Variants in BDP1 observed in about 807,000 individuals in gnomAD.
BDP1 encodes the protein transcription factor TFIIIB component B'' homolog.
Under a neutral mutation model 266.6 loss-of-function variants are expected in BDP1, and 169 were observed. The observed-to-expected ratio is 0.63, with a 90% CI of 0.56 to 0.72. BDP1 has a LOEUF of 0.72. BDP1 is among the 30% of genes least tolerant of loss of function. The pLI is 0.00. For missense variants in BDP1, 3,015 were observed against 3,053.8 expected (o/e 0.99, Z 0.30); for synonymous variants, 1,090 against 1,022.4 (o/e 1.07, Z -1.26).
Position 71,455,833 on chromosome 5 carries a change from T to TGTGAGCGGCC in BDP1, c.-39_-30dup. The TGTGAGCGGCC allele has an allele frequency of 6.6e-7, 1 of 1,513,298 alleles. No individual in the cohort carries two copies. Among genetic ancestry groups the TGTGAGCGGCC allele is most frequent in the Non-Finnish European group, 8.9e-7 (1 of 1,121,700 alleles). The allele number at this position is 1,513,298 out of a possible 1,614,324, so 93.7% of individuals were successfully genotyped here. A position where few individuals can be genotyped will look rare whatever the true frequency, so the allele number is the denominator to read the frequency against. On this transcript the variant is annotated 5_prime_UTR_variant, in exon 1 of 39. Transcript: ENST00000358731. Reference sequence around the variant, plus strand: ...CCGGGCAGCCGCCGGGGCTCGGGGCTGTGAGCGGCCGTGAGGCTGCCTCCC... The same window carrying TGTGAGCGGCC: ...CCGGGCAGCCGCCGGGGCTCGGGGCTGTGAGCGGCCGTGAGCGGCCGTGAGGCTGCCTCCC...
intron 37 of BDP1, 129 bp downstream of exon 37, chr5:71,560,366 G>A (rs1435686969): frequency 1.7e-5 from 18 of 1,063,682 alleles, no homozygotes; most frequent in Middle Eastern, 2.5e-4. Flanking sequence ...TAATGTAAAG[G>A]AAAAAGTTTC....
At chr5:71,576,300 C>T in the BDP1 span, among the ~76,000 whole-genome samples, 3 of 152,230 alleles carry the variant, frequency 2.0e-5, no homozygotes, top group Admixed American at 6.5e-5. Flanking sequence ...GGACCCCTAA[C>T]TCCACCTGAC....
intron 4 of BDP1, 52 bp from the exon 5 acceptor site, chr5:71,466,044 T>C: frequency 1.3e-6 from 2 of 1,588,052 alleles, no homozygotes; most frequent in Non-Finnish European, 8.6e-7. Context: ...TTTATACTAT[T>C]TAGGCACACT....
chr5:71,532,528 T>TAA, intron 26 of BDP1, 101 bp downstream of exon 26: 1 of 1,139,386 alleles, frequency 8.8e-7, no homozygotes, highest in Non-Finnish European at 1.2e-6. Flanking sequence ...ACACTTTACT[T>TAA]AGCTAATTTC....
chr5:71,470,029 C>T (rs944286090), intron 6 of BDP1, among the ~76,000 whole-genome samples: 12 of 151,600 alleles, frequency 7.9e-5, no homozygotes, highest in African/African-American at 1.9e-4. Context: ...TTAGTAGAGA[C>T]GGGGTTTCTC....
Position 71,540,299 on chromosome 5 carries a change from G to A in BDP1, c.6022+650G>A, listed in dbSNP as rs372548677. On this transcript the variant is annotated intron_variant, in intron 28 of 38. Transcript: ENST00000358731. ...ATTTACTTATTTATTTATTTGAGACGGAGTTTGGTTATGAGTAGCCTACCA... is the reference window on the plus strand; with the variant it reads ...ATTTACTTATTTATTTATTTGAGACAGAGTTTGGTTATGAGTAGCCTACCA... Among the ~76,000 whole-genome samples the A allele has an allele frequency of 1.8e-4, 28 of 151,878 alleles. 1 individual carries two copies. Among genetic ancestry groups the A allele is most frequent in the African/African-American group, 4.1e-4 (17 of 41,396 alleles).
intron 34 of BDP1, among the ~76,000 whole-genome samples, chr5:71,550,136 A>G (rs1008401338): frequency 2.0e-5 from 3 of 152,170 alleles, no homozygotes; most frequent in Non-Finnish European, 4.4e-5. Flanking sequence ...CTTTAATCCC[A>G]GGGCTTTGGG....
intron 7 of BDP1, among the ~76,000 whole-genome samples, chr5:71,479,571 G>A (rs1292624407): frequency 1.3e-5 from 2 of 151,008 alleles, no homozygotes; most frequent in African/African-American, 4.9e-5. Flanking sequence ...TTTTGAGGCG[G>A]AGTCTCGCTC....
At position 71,455,694 on chromosome 5, in the gene BDP1, AGCG is replaced by A; in HGVS notation, c.-173_-171del. 1.3e-5 allele frequency: 8 copies of A among 608,608 alleles called. No individual in the cohort carries two copies. Among genetic ancestry groups the A allele is most frequent in the East Asian group, 2.8e-5 (1 of 36,034 alleles). The allele number at this position is 608,608 out of a possible 1,614,324, so 37.7% of individuals were successfully genotyped here. The stretch of plus-strand genomic sequence containing the variant: ...TCGGTGTGTGGCAGGGTCATGAAAA[AGCG>A]GCGGCGGCGGGAGAGAGGAGGAGGC... On this transcript the variant is annotated 5_prime_UTR_variant, in exon 1 of 39. Coordinates refer to ENST00000358731, the MANE Select transcript of BDP1 (RefSeq NM_018429.3).
intron 32 of BDP1, among the ~76,000 whole-genome samples, chr5:71,546,979 G>A (rs1355305892): frequency 3.9e-5 from 6 of 152,000 alleles, no homozygotes; most frequent in Non-Finnish European, 8.8e-5. Flanking sequence ...CCAAGTAGCT[G>A]GGATTAAAGG....
chr5:71,510,746 G>A lies in BDP1; in HGVS notation c.3654G>A (p.Lys1218=), dbSNP rs200107038. The change falls in exon 17 of 39, where the codon AAG becomes AAA. Residue 1218 remains lysine, a synonymous_variant. Transcript: ENST00000358731. ...AGGAAAATGGCCCAGAGGAGGTCAAGCCTGTAGGTAAAATGGAGACAGATT... is the reference window on the plus strand; with the variant it reads ...AGGAAAATGGCCCAGAGGAGGTCAAACCTGTAGGTAAAATGGAGACAGATT... ...SPQENGPEEV[K]PVGKMETDLK... 2,165 of 1,614,178 alleles carry A rather than the reference G, an allele frequency of 1.3e-3. 35 individuals are homozygous for A. In the South Asian group the frequency reaches 0.017, roughly 13 times the overall value.
intron 22 of BDP1, among the ~76,000 whole-genome samples, chr5:71,520,150 ATTAT>A (rs1765425355): frequency 6.6e-6 from 1 of 151,978 alleles, no homozygotes; most frequent in African/African-American, 2.4e-5. Flanking sequence ...CTTTAATCAG[ATTAT>A]TTGTTTTTTT....
chr5:71,519,538 C>CAT (rs1302398856), intron 22 of BDP1, among the ~76,000 whole-genome samples: 3 of 152,204 alleles, frequency 2.0e-5, no homozygotes, highest in Non-Finnish European at 1.5e-5. Flanking sequence ...TAAGCTGCTA[C>CAT]ATATGAGTGA....
At chr5:71,511,369 ACACTT>A in intron 17 of BDP1, 1 of 502,856 alleles carries the variant, frequency 2.0e-6, no homozygotes, top group Non-Finnish European at 3.4e-6. Flanking sequence ...TTTAAACCCA[ACACTT>A]TGGGAGGCCA....
rs182859904 is a variant in BDP1, at chr5:71,529,558, G to T, written c.5773-2750G>T. ...GTCAATAAATTAGCAAGGTGTGTTG[G>T]TGCGTATCTATAATCCCAGCTACTC... is the stretch of plus-strand genomic sequence containing the variant. On this transcript the variant is annotated intron_variant, in intron 25 of 38. Transcript: ENST00000358731. Among the ~76,000 whole-genome samples, 1,146 of 152,234 alleles carry T rather than the reference G, an allele frequency of 7.5e-3. 22 individuals are homozygous for T. Among genetic ancestry groups the T allele is most frequent in the Middle Eastern group, 0.017 (5 of 294 alleles).
rs769462568 is a variant in BDP1, at chr5:71,489,654, G to T, written c.1464G>T (p.Ala488=). ...TTTTAGAAAATGCCACTGTTCAGGC[G>T]GGTCCTTCTAAAGGAGAAAAACACA... ...NNLLENATVQ[A]GPSKGEKHKN... The change falls in exon 10 of 39, where the codon GCG becomes GCT. Residue 488 remains alanine (A), a synonymous_variant. Transcript: ENST00000358731. 6.2e-7 allele frequency: 1 copy of T among 1,611,764 alleles called. No homozygotes were observed.
At chr5:71,529,456 T>C (rs1420687006) in intron 25 of BDP1, among the ~76,000 whole-genome samples, 1 of 151,962 alleles carries the variant, frequency 6.6e-6, no homozygotes, top group African/African-American at 2.4e-5. Context: ...CTTTGGGAGG[T>C]TGAGGCGGAG....
At chr5:71,530,978 G>A (rs978533372) in intron 25 of BDP1, among the ~76,000 whole-genome samples, 9 of 152,128 alleles carry the variant, frequency 5.9e-5, no homozygotes, top group African/African-American at 2.2e-4. Context: ...GAGGGCTGAG[G>A]CGGGAGGATT....
At chr5:71,470,281 T>C in intron 6 of BDP1, 114 bp from the exon 7 acceptor site, 1 of 747,720 alleles carries the variant, frequency 1.3e-6, no homozygotes, top group South Asian at 1.7e-5. Flanking sequence ...TTTTTAGGTA[T>C]TGCATGGGGA....
Sources: allele counts gnomAD v4.1 joint callset (sites outside exome capture counted in the v4.1 genomes callset), GRCh38; gene constraint gnomAD v4.1.1; transcripts MANE v1.5; gene names NCBI Gene and HGNC (gene_info 2026-07-23, HGNC 2026-07-21).